ALX1: variants seen among roughly 807,000 people sequenced by gnomAD.
ALX1 encodes the protein ALX homeobox protein 1.
Under a neutral mutation model 31.7 loss-of-function variants are expected in ALX1, and 19 were observed. The ratio of observed to expected loss-of-function variants is 0.60; its 90% CI spans 0.42 to 0.88. The LOEUF (loss-of-function observed/expected upper bound fraction) is 0.88, where lower values mean the gene tolerates loss of function less well. Ranked by LOEUF, ALX1 falls within the 40% of genes least tolerant of loss-of-function variation. The pLI is 0.00. For synonymous variants in ALX1, 153 were observed against 148.8 expected (o/e 1.03, Z -0.20); for missense variants, 415 against 407.8 (o/e 1.02, Z -0.15).
chr12:85,296,076 C>CT (rs1208253389), intron 3 of ALX1, among the ~76,000 whole-genome samples: 1 of 151,126 alleles, frequency 6.6e-6, no homozygotes, highest in Non-Finnish European at 1.5e-5. Flanking sequence ...TTTTAAAAGG[C>CT]TTTTTTAGAA....
intron 3 of ALX1, among the ~76,000 whole-genome samples, chr12:85,299,349 A>G (rs568670302): frequency 6.6e-6 from 1 of 151,756 alleles, no homozygotes; most frequent in Non-Finnish European, 1.5e-5. Context: ...AATCACTGAT[A>G]CCAGTCATTA....
chr12:85,285,247 C>G (rs1442048272), intron 2 of ALX1, among the ~76,000 whole-genome samples: 1 of 152,010 alleles, frequency 6.6e-6, no homozygotes, highest in South Asian at 2.1e-4. Context: ...TGAGAACATG[C>G]ACAGAGAGCC....
At chr12:85,296,968 G>A (rs764366131) in intron 3 of ALX1, among the ~76,000 whole-genome samples, 33 of 151,498 alleles carry the variant, frequency 2.2e-4, no homozygotes, top group Non-Finnish European at 4.1e-4. Context: ...TTCCTTTAAC[G>A]AATCAGAGTG....
chr12:85,301,234 C>T lies in ALX1; in HGVS notation c.740C>T (p.Ser247Phe). ...TGCATGTTACCACGTGACACTTCCT[C>T]CTGTATGACACCTTATTCTCACTCG... ...TSCMLPRDTSSCMTPYSHSPR... is the reference protein window; with the variant it reads ...TSCMLPRDTSFCMTPYSHSPR... Residue 247 changes from serine (S) to phenylalanine (F), a missense_variant, in exon 4 of 4, where the codon TCC becomes TTC. By Grantham distance (155) the Ser-to-Phe change is radical. Around this residue, in one of 3 missense-constraint regions of ALX1, gnomAD observed 174 missense variants for 177.5 expected, o/e 0.98. Transcript: ENST00000316824. 6.2e-7 allele frequency: 1 copy of T among 1,614,054 alleles called. No individual in the cohort carries two copies. The highest frequency in any genetic ancestry group is 1.3e-5 in the African/African-American group (1 of 75,024).
chr12:85,286,008 C>T (rs919846288), intron 2 of ALX1, among the ~76,000 whole-genome samples: 6 of 151,820 alleles, frequency 4.0e-5, no homozygotes, highest in African/African-American at 1.5e-4. Flanking sequence ...TGGAAGATAG[C>T]TTAGTGACCT....
chr12:85,280,554 T>A, intron 1 of ALX1, 67 bp downstream of exon 1: 1 of 1,532,782 alleles, frequency 6.5e-7, no homozygotes, highest in Non-Finnish European at 8.9e-7. Context: ...AGGATCGGTC[T>A]GATCAGGCAG....
At position 85,283,759 on chromosome 12, in the gene ALX1, C is replaced by T. The variant is rs369486956; in HGVS notation, c.414C>T (p.Thr138=). The part of the protein sequence containing the change: ...SSSKKRRHRT[T]FTSLQLEELE... ...GTAAGAAACGGAGGCACCGAACCAC[C>T]TTCACCAGTTTGCAGCTAGAGGAGC... Residue 138 remains threonine, a synonymous_variant, in exon 2 of 4, where the codon ACC becomes ACT. Transcript: ENST00000316824. The T allele has an allele frequency of 6.2e-6, 10 of 1,613,982 alleles. No individual in the cohort carries two copies. Among genetic ancestry groups the T allele is most frequent in the Non-Finnish European group, 8.5e-6 (10 of 1,180,020 alleles).
At chr12:85,283,443 A>G in intron 1 of ALX1, 129 bp from the exon 2 acceptor site, 1 of 920,590 alleles carries the variant, frequency 1.1e-6, no homozygotes. Context: ...GTGGTAATTG[A>G]ATTAATACTA....
Position 85,283,679 on chromosome 12 carries a change from G to C in ALX1, c.334G>C (p.Glu112Gln). 1 of 1,614,170 alleles carries C rather than the reference G, an allele frequency of 6.2e-7. No individual in the cohort carries two copies. Among genetic ancestry groups the C allele is most frequent in the Non-Finnish European group, 8.5e-7 (1 of 1,180,008 alleles). ...AATGTCTCCCGTGAAAGGGATGCAA[G>C]AGAAGGGAGAGCTGGATGAACTTGG... ...LRMSPVKGMQ[E>Q]KGELDELGDK... Residue 112 changes from glutamate (E) to glutamine (Q), a missense_variant, in exon 2 of 4, where the codon GAG becomes CAG. Coordinates refer to ENST00000316824, the MANE Select transcript of ALX1 (RefSeq NM_006982.3).
At position 85,280,242 on chromosome 12, in the gene ALX1, C is replaced by A; in HGVS notation, c.-20C>A. 6.3e-7 allele frequency: 1 copy of A among 1,584,898 alleles called. No homozygotes were observed. Among genetic ancestry groups the A allele is most frequent in the Non-Finnish European group, 8.6e-7 (1 of 1,162,536 alleles). On this transcript the variant is annotated 5_prime_UTR_variant, in exon 1 of 4. Transcript: ENST00000316824. ...TCCAGTTTCTGTGCCCCAGGAGCTA[C>A]GCGACAGTCTTCCAGGATTATGGAG...
In ALX1 at chr12:85,280,284, T is replaced by C. The variant is rs1435940451; in HGVS notation, c.23T>C (p.Phe8Ser). 6.2e-7 allele frequency: 1 copy of C among 1,613,480 alleles called. No homozygotes were observed. MEFLSEK[F>S]ALKSPPSKNS... The stretch of plus-strand genomic sequence containing the variant: ...ATTATGGAGTTTCTGAGCGAGAAGT[T>C]TGCCCTCAAGAGCCCTCCGAGTAAA... The change falls in exon 1 of 4, where the codon TTT becomes TCT. Residue 8 changes from phenylalanine (F) to serine (S), a missense_variant. Phe to Ser is a radical substitution (Grantham distance 155). Transcript: ENST00000316824.
At chr12:85,283,977 C>A in intron 2 of ALX1, 101 bp downstream of exon 2, 1 of 1,293,914 alleles carries the variant, frequency 7.7e-7, no homozygotes, top group Non-Finnish European at 1.1e-6. Context: ...AACTGATTCC[C>A]TAGCTGAAGA....
chr12:85,292,721 T>C (rs1255541518), intron 3 of ALX1, among the ~76,000 whole-genome samples: 1 of 150,960 alleles, frequency 6.6e-6, no homozygotes, highest in Non-Finnish European at 1.5e-5. Context: ...TGTAGACATA[T>C]TGCTTATCTA....
At position 85,301,279 on chromosome 12, in the gene ALX1, A is replaced by C. The variant is rs986805928; in HGVS notation, c.785A>C (p.Tyr262Ser). 5.0e-6 allele frequency: 8 copies of C among 1,614,056 alleles called. No homozygotes were observed. The East Asian group carries it at 1.8e-4, about 36-fold the overall frequency. The change falls in exon 4 of 4, where the codon TAC becomes TCC. Residue 262 changes from tyrosine to serine, a missense_variant. Tyr to Ser is a moderately radical substitution (Grantham distance 144). Coordinates refer to ENST00000316824, the MANE Select transcript of ALX1 (RefSeq NM_006982.3). ...CACTCGCCTCGGACAGATTCCAGTT[A>C]CACGGGGTTTTCAAACCACCAGAAC... ...YSHSPRTDSS[Y>S]TGFSNHQNQF...
intron 3 of ALX1, among the ~76,000 whole-genome samples, chr12:85,293,522 A>C (rs1896846887): frequency 6.6e-6 from 1 of 150,954 alleles, no homozygotes; most frequent in Non-Finnish European, 1.5e-5. Context: ...CTCCAAAAGA[A>C]ACAAAGTGCA....
rs74679141 is a variant in ALX1, at chr12:85,284,341, TA to T, written c.531+476del. ...GAAATTTCTAGATTTGGAGGCATAA[TA>T]AAAAAAAAAACAATCCCACAAATTC... On this transcript the variant is annotated intron_variant, in intron 2 of 3. Coordinates refer to ENST00000316824, the MANE Select transcript of ALX1 (RefSeq NM_006982.3). Among the ~76,000 whole-genome samples, 104 of 140,950 alleles carry T rather than the reference TA, an allele frequency of 7.4e-4. 3 individuals are homozygous for T. Among genetic ancestry groups the T allele is most frequent in the African/African-American group, 1.5e-3 (59 of 38,840 alleles). The allele number at this position is 140,950 out of a possible 152,430, so 92.5% of individuals were successfully genotyped here.
At chr12:85,296,560 G>A (rs1341082883) in intron 3 of ALX1, among the ~76,000 whole-genome samples, 1 of 151,570 alleles carries the variant, frequency 6.6e-6, no homozygotes, top group Non-Finnish European at 1.5e-5. Context: ...ATGCTAATGG[G>A]AGGTAGTTGG....
chr12:85,301,675 T>C lies in ALX1; in HGVS notation c.*200T>C. Reference sequence around the variant, plus strand: ...CTGAAAAGACTAAATAGGTTTACCATGTGCCAGTCTCCACAAACCCTGTTT... The same window carrying C: ...CTGAAAAGACTAAATAGGTTTACCACGTGCCAGTCTCCACAAACCCTGTTT... On this transcript the variant is annotated 3_prime_UTR_variant, in exon 4 of 4. Transcript: ENST00000316824. The C allele has an allele frequency of 3.1e-6, 2 of 640,022 alleles. No individual in the cohort carries two copies. Among genetic ancestry groups the C allele is most frequent in the South Asian group, 2.0e-5 (1 of 49,000 alleles). 39.6% of individuals were successfully genotyped at this position (640,022 alleles called of 1,614,324 possible).
chr12:85,296,178 T>C (rs959988181), intron 3 of ALX1, among the ~76,000 whole-genome samples: 2 of 151,538 alleles, frequency 1.3e-5, no homozygotes, highest in South Asian at 4.1e-4. Flanking sequence ...TTTGTAGTTG[T>C]GATTACAAAG....
Sources: allele counts gnomAD v4.1 joint callset (sites outside exome capture counted in the v4.1 genomes callset), GRCh38; gene constraint gnomAD v4.1.1; regional missense constraint gnomAD v4.1.1; transcripts MANE v1.5; gene names NCBI Gene and HGNC (gene_info 2026-07-23, HGNC 2026-07-21).